MMD2: variants seen among roughly 807,000 people sequenced by gnomAD.
MMD2 encodes monocyte to macrophage differentiation associated 2.
Under a neutral mutation model 33.5 loss-of-function variants are expected in MMD2, and 30 were observed. The observed-to-expected ratio is 0.90, with a 90% CI of 0.67 to 1.22. The LOEUF is 1.22. Among genes scored for constraint, MMD2 ranks in the 50% most tolerant of loss-of-function variants. MMD2 has a pLI of 0.00. For missense variants in MMD2, 364 were observed against 325.4 expected (o/e 1.12, Z -0.91); for synonymous variants, 129 against 123.0 (o/e 1.05, Z -0.32).
At position 4,940,421 on chromosome 7, in the gene MMD2, A is replaced by C. The variant is rs1785875312; in HGVS notation, c.48-14889T>G. On this transcript the variant is annotated intron_variant, in intron 1 of 6. Coordinates refer to ENST00000401401, the MANE Select transcript of MMD2 (RefSeq NM_198403.4). This position sits in a 1 kb window ranked among gnomAD's most constrained non-coding sequence, Gnocchi z 5.0. ...CTCCCAGGCTGGGCTGGTGCCTGTC[A>C]GTGGCGACCCTGAGTCCCTTGGACA... Among the ~76,000 whole-genome samples, 1 of 152,196 alleles carries C rather than the reference A, an allele frequency of 6.6e-6. No individual in the cohort carries two copies. The highest frequency in any genetic ancestry group is 2.4e-5 in the African/African-American group (1 of 41,474).
chr7:4,932,043 G>A (rs1785602813), intron 1 of MMD2, among the ~76,000 whole-genome samples: 1 of 152,196 alleles, frequency 6.6e-6, no homozygotes, highest in African/African-American at 2.4e-5. Context: ...GCCACCAGGT[G>A]CAGGCCTGCA....
the MMD2 span, among the ~76,000 whole-genome samples, chr7:4,893,363 C>CTTTT: frequency 8.8e-6 from 1 of 114,102 alleles, no homozygotes; most frequent in African/African-American, 3.2e-5. Flanking sequence ...ATGGTTATTT[C>CTTTT]TTTTATTTAT....
chr7:4,932,703 G>A (rs769757816), intron 1 of MMD2, among the ~76,000 whole-genome samples: 1 of 150,640 alleles, frequency 6.6e-6, no homozygotes, highest in African/African-American at 2.5e-5. Flanking sequence ...GCTCACTGCA[G>A]CTTCCACCTC....
intron 4 of MMD2, among the ~76,000 whole-genome samples, chr7:4,913,286 A>G (rs1200163457): frequency 6.6e-6 from 1 of 152,216 alleles, no homozygotes; most frequent in Non-Finnish European, 1.5e-5. Flanking sequence ...AATTAAAAGT[A>G]TTACATTTAA....
In MMD2 at chr7:4,907,576, C is replaced by T; in HGVS notation, c.561G>A (p.Glu187=). The T allele has an allele frequency of 6.2e-7, 1 of 1,612,728 alleles. No individual in the cohort carries two copies. The part of the protein sequence containing the change: ...LSMPNTEGIW[E]LVTGGVFYCL... ...AGTAGAAGACCCCTCCGGTCACCAG[C>T]TCCCAGATGCCCTCGGTGTTGGGCT... Residue 187 remains glutamate, a synonymous_variant, in exon 7 of 7, where the codon GAG becomes GAA. Coordinates refer to ENST00000401401, the MANE Select transcript of MMD2 (RefSeq NM_198403.4).
At chr7:4,920,375 G>T in intron 2 of MMD2, 44 bp from the exon 3 acceptor site, 1 of 1,578,110 alleles carries the variant, frequency 6.3e-7, no homozygotes, top group Non-Finnish European at 8.6e-7. Flanking sequence ...CAGCTGGGTG[G>T]CTCAGAGCAC....
In MMD2 at chr7:4,945,206, C is replaced by CTTCTTCTTCTTCTTCTTCTTCTTCTT. The variant is rs1562493842; in HGVS notation, c.47+13739_47+13764dup. 1.2e-4 allele frequency among the ~76,000 whole-genome samples: 17 copies of CTTCTTCTTCTTCTTCTTCTTCTTCTT among 139,982 alleles called. 1 individual carries two copies. Among genetic ancestry groups the CTTCTTCTTCTTCTTCTTCTTCTTCTT allele is most frequent in the African/African-American group, 4.6e-4 (17 of 37,120 alleles). The allele number at this position is 139,982 out of a possible 152,430, so 91.8% of individuals were successfully genotyped here. ...CCTCTTTCTTCTTCTTCTTCTTCTT[C>CTTCTTCTTCTTCTTCTTCTTCTTCTT]TTCTTCTTCTTCTTCTTCTTCTTCT... On this transcript the variant is annotated intron_variant, in intron 1 of 6. Transcript: ENST00000401401.
chr7:4,930,920 G>A lies in MMD2; in HGVS notation c.48-5388C>T, dbSNP rs192765513. On this transcript the variant is annotated intron_variant, in intron 1 of 6. Transcript: ENST00000401401. Reference sequence around the variant, plus strand: ...GGCTGGAGTGCAGTGGCGCGATCTCGGCTGACTGCAACCTTCGCCTCCTGG... The same window carrying A: ...GGCTGGAGTGCAGTGGCGCGATCTCAGCTGACTGCAACCTTCGCCTCCTGG... Among the ~76,000 whole-genome samples, 784 of 151,318 alleles carry A rather than the reference G, an allele frequency of 5.2e-3. 5 individuals are homozygous for A. Among genetic ancestry groups the A allele is most frequent in the African/African-American group, 0.017 (717 of 41,194 alleles).
chr7:4,899,275 T>C, the MMD2 span, among the ~76,000 whole-genome samples: 2 of 152,170 alleles, frequency 1.3e-5, no homozygotes, highest in Non-Finnish European at 2.9e-5. Context: ...TATTTTGTTA[T>C]AGCAGCCAAA....
chr7:4,947,822 C>T (rs996487807), intron 1 of MMD2, among the ~76,000 whole-genome samples: 5 of 150,502 alleles, frequency 3.3e-5, no homozygotes, highest in African/African-American at 1.2e-4. Flanking sequence ...GCCTCAGCCT[C>T]CTGAGTATCT....
intron 4 of MMD2, among the ~76,000 whole-genome samples, chr7:4,914,653 G>A (rs996829653): frequency 2.0e-5 from 3 of 152,108 alleles, no homozygotes; most frequent in South Asian, 2.1e-4. Flanking sequence ...AACTCAGGCC[G>A]GGCACGGTGG....
the MMD2 span, among the ~76,000 whole-genome samples, chr7:4,893,709 T>C: frequency 1.7e-3 from 265 of 152,172 alleles, 1 homozygote; most frequent in African/African-American, 5.4e-3. Context: ...CTTGATTATA[T>C]ACTGAACAAG....
At position 4,906,595 on chromosome 7, in the gene MMD2, T is replaced by C. The variant is rs41399345; in HGVS notation, c.*801A>G. On this transcript the variant is annotated 3_prime_UTR_variant, in exon 7 of 7. Coordinates refer to ENST00000401401, the MANE Select transcript of MMD2 (RefSeq NM_198403.4). ...TCCTCATTCCCAACTCTACTGAGAA[T>C]CAACTACGGTGGAACAGAACATCAG... The C allele has an allele frequency of 0.063, 25,015 of 398,476 alleles. 1,322 individuals are homozygous for C. Among genetic ancestry groups the C allele is most frequent in the East Asian group, 0.23 (6,580 of 28,050 alleles). 24.7% of individuals were successfully genotyped at this position (398,476 alleles called of 1,614,324 possible). A position where few individuals can be genotyped will look rare whatever the true frequency, so the allele number is the denominator to read the frequency against.
intron 5 of MMD2, among the ~76,000 whole-genome samples, chr7:4,910,581 G>A (rs62451398): frequency 1.3e-4 from 20 of 151,730 alleles, no homozygotes; most frequent in South Asian, 4.2e-4. Context: ...GACCACCCCC[G>A]CCTCCCCCCC....
chr7:4,896,629 G>C, the MMD2 span, among the ~76,000 whole-genome samples: 1 of 152,166 alleles, frequency 6.6e-6, no homozygotes, highest in African/African-American at 2.4e-5. Flanking sequence ...CTGAGCCGCA[G>C]ACTCTAATTC....
rs563557058 is a variant in MMD2 at position 4,907,874 on chromosome 7, G to A, written c.538-275C>T. ...CCAGCGGGAGTGCAGTGGCACAAGCGTAGCTCACTGTAGCCTCCAACTCCT... is the reference window on the plus strand; with the variant it reads ...CCAGCGGGAGTGCAGTGGCACAAGCATAGCTCACTGTAGCCTCCAACTCCT... On this transcript the variant is annotated intron_variant, in intron 6 of 6. Transcript: ENST00000401401. Among the ~76,000 whole-genome samples the A allele has an allele frequency of 1.6e-4, 25 of 152,204 alleles. No homozygotes were observed. The South Asian group carries it at 2.3e-3, about 14-fold the overall frequency.
At chr7:4,919,789 G>A (rs1289227944) in intron 3 of MMD2, among the ~76,000 whole-genome samples, 7 of 151,940 alleles carry the variant, frequency 4.6e-5, no homozygotes, top group Non-Finnish European at 1.0e-4. Context: ...CCAGCTACTC[G>A]GGAGGCTGAG....
At position 4,907,739 on chromosome 7, in the gene MMD2, A is replaced by G. The variant is rs200376612; in HGVS notation, c.538-140T>C. On this transcript the variant is annotated intron_variant, in intron 6 of 6. Transcript: ENST00000401401. ...AGACTCCCAGGTGGGAAGCCTCAAC[A>G]CTGACATACCAGCAATTCTCCCCAG... The G allele has an allele frequency of 4.7e-5, 32 of 686,928 alleles. No homozygotes were observed. The East Asian group carries it at 7.3e-4, about 16-fold the overall frequency. 42.6% of individuals were successfully genotyped at this position (686,928 alleles called of 1,614,324 possible).
chr7:4,904,035 C>T (rs571648690), downstream of MMD2, among the ~76,000 whole-genome samples: 32 of 152,090 alleles, frequency 2.1e-4, no homozygotes, highest in South Asian at 1.2e-3. Context: ...CGAGTTCAAG[C>T]GATTCTCCTG....
Sources: gnomAD v4.1 joint callset for allele counts (sites outside exome capture counted in the v4.1 genomes callset) on GRCh38, gnomAD v4.1.1 for gene constraint, Gnocchi (gnomAD v3.1) non-coding constraint, MANE v1.5 for transcripts, NCBI Gene and HGNC (gene_info 2026-07-23, HGNC 2026-07-21) for gene names.